Variants in SH3KBP1 observed in about 807,000 individuals in gnomAD.
SH3KBP1 encodes the protein SH3 domain containing kinase binding protein 1.
A neutral mutation model predicts 50.1 loss-of-function variants in SH3KBP1; 8 were observed. The observed-to-expected ratio is 0.16, with a 90% CI of 0.09 to 0.29. The LOEUF is 0.29. Among genes scored for constraint, SH3KBP1 ranks in the 10% least tolerant of loss-of-function variants. SH3KBP1 has a pLI of 1.00. For synonymous variants in SH3KBP1, 227 were observed against 218.6 expected (o/e 1.04, Z -0.34); for missense variants, 377 against 535.2 (o/e 0.70, Z 2.92).
At chrX:19,785,936 GGGGAGCTGGTGTGTCAT>G (rs1324772570) in intron 2 of SH3KBP1, among the ~76,000 whole-genome samples, 1 of 111,402 alleles carries the variant, frequency 9.0e-6, no homozygotes, top group African/African-American at 3.3e-5. Context: ...AAGGGGAAAT[GGGGAGCTGGTGTGTCAT>G]GGGTGCAGAG....
At chrX:19,588,407 G>C in intron 12 of SH3KBP1, 1 of 1,125,308 alleles carries the variant, frequency 8.9e-7, no homozygotes, top group Non-Finnish European at 1.2e-6. Context: ...TGGGTACCCA[G>C]TCCTCATGAA....
At chrX:19,742,539 A>G (rs1281116696) in intron 3 of SH3KBP1, among the ~76,000 whole-genome samples, 1 of 110,748 alleles carries the variant, frequency 9.0e-6, no homozygotes, top group African/African-American at 3.3e-5. Flanking sequence ...TTTTTCTTCT[A>G]AACTCAACAT....
At chrX:19,868,354 C>T (rs752820555) in intron 1 of SH3KBP1, among the ~76,000 whole-genome samples, 1 of 111,269 alleles carries the variant, frequency 9.0e-6, no homozygotes, top group African/African-American at 3.3e-5. Context: ...GAAATTGTCA[C>T]TCATGAGAAA....
intron 2 of SH3KBP1, among the ~76,000 whole-genome samples, chrX:19,809,339 C>T (rs749151587): frequency 1.1e-4 from 12 of 111,216 alleles, no homozygotes; most frequent in Non-Finnish European, 2.3e-4. Flanking sequence ...TCCTGGCCAA[C>T]ATGGTGAAAC....
intron 1 of SH3KBP1, among the ~76,000 whole-genome samples, chrX:19,837,943 C>A (rs1450446561): frequency 9.0e-6 from 1 of 111,105 alleles, no homozygotes; most frequent in African/African-American, 3.3e-5. Flanking sequence ...GTTCACAGAC[C>A]TAAGTGTAAG....
intron 1 of SH3KBP1, among the ~76,000 whole-genome samples, chrX:19,846,237 A>G (rs1460241991): frequency 9.1e-6 from 1 of 110,208 alleles, no homozygotes; most frequent in Non-Finnish European, 1.9e-5. Context: ...TTAAGTAGAG[A>G]TGGGGTTTCA....
At chrX:19,707,611 T>C (rs1158710011) in intron 3 of SH3KBP1, among the ~76,000 whole-genome samples, 1 of 111,214 alleles carries the variant, frequency 9.0e-6, no homozygotes, top group East Asian at 2.8e-4. Flanking sequence ...GATCCCCAGC[T>C]ACTTACGCAG....
At chrX:19,580,731 C>T (rs2066345648) in intron 12 of SH3KBP1, among the ~76,000 whole-genome samples, 1 of 111,308 alleles carries the variant, frequency 9.0e-6, no homozygotes, top group African/African-American at 3.3e-5. Flanking sequence ...AGTTGCTCCA[C>T]ACTTCCTCCT....
At chrX:19,561,143 A>G (rs952902306) in intron 13 of SH3KBP1, among the ~76,000 whole-genome samples, 13 of 109,599 alleles carry the variant, frequency 1.2e-4, no homozygotes, top group Non-Finnish European at 1.9e-4. Flanking sequence ...ATGTGAGACA[A>G]TAATATTCTA....
intron 6 of SH3KBP1, among the ~76,000 whole-genome samples, chrX:19,651,978 C>G (rs1251833315): frequency 5.4e-5 from 6 of 111,847 alleles, no homozygotes; most frequent in Non-Finnish European, 1.9e-5. Context: ...CTTATCCTTA[C>G]AAAATGAGAG....
chrX:19,667,596 T>G (rs2062629983), intron 6 of SH3KBP1, among the ~76,000 whole-genome samples: 1 of 111,302 alleles, frequency 9.0e-6, no homozygotes, highest in Non-Finnish European at 1.9e-5. Flanking sequence ...ACCACTGCAC[T>G]CCAGCCTGGG....
At chrX:19,712,955 C>T (rs1000231790) in intron 3 of SH3KBP1, among the ~76,000 whole-genome samples, 33 of 111,627 alleles carry the variant, frequency 3.0e-4, no homozygotes, top group Non-Finnish European at 2.1e-4. Flanking sequence ...CAGGCATGGT[C>T]GCTCAAGCCT....
chrX:19,661,071 A>C (rs1014969705), intron 6 of SH3KBP1, among the ~76,000 whole-genome samples: 2 of 113,091 alleles, frequency 1.8e-5, no homozygotes, highest in African/African-American at 6.4e-5. Flanking sequence ...ATTAGTAAGG[A>C]AGGGAGAACT....
intron 2 of SH3KBP1, among the ~76,000 whole-genome samples, chrX:19,787,116 C>A (rs1275552030): frequency 1.8e-5 from 2 of 111,763 alleles, no homozygotes; most frequent in African/African-American, 6.5e-5. Flanking sequence ...CTTTAAGGCA[C>A]AGCCCAAGCC....
At chrX:19,554,348 T>TAA (rs765688183) in intron 13 of SH3KBP1, among the ~76,000 whole-genome samples, 2,558 of 67,322 alleles carry the variant, frequency 0.038, 148 homozygotes, top group African/African-American at 0.21. Flanking sequence ...TATATCATAT[T>TAA]AATATATTAT....
intron 1 of SH3KBP1, among the ~76,000 whole-genome samples, chrX:19,877,531 A>G (rs1214860794): frequency 8.9e-6 from 1 of 111,825 alleles, no homozygotes; most frequent in Non-Finnish European, 1.9e-5. Context: ...CTAATTAAAG[A>G]CTTTTCACAT....
intron 2 of SH3KBP1, among the ~76,000 whole-genome samples, chrX:19,831,791 C>CAAAA (rs368754488): frequency 8.2e-5 from 3 of 36,387 alleles, no homozygotes; most frequent in African/African-American, 2.9e-4. Context: ...AACTCCATCC[C>CAAAA]AAAAAAAAAA....
intron 12 of SH3KBP1, among the ~76,000 whole-genome samples, chrX:19,579,374 T>C (rs770476698): frequency 1.8e-5 from 2 of 111,919 alleles, no homozygotes; most frequent in Admixed American, 9.4e-5. Context: ...CGCAAGGGGC[T>C]TTAAGGATGC....
intron 3 of SH3KBP1, among the ~76,000 whole-genome samples, chrX:19,727,049 A>G (rs1031025090): frequency 8.9e-6 from 1 of 112,488 alleles, no homozygotes. Context: ...GGTAACATAC[A>G]TGACAGATCA....
Sources: allele counts gnomAD v4.1 joint callset (sites outside exome capture counted in the v4.1 genomes callset), GRCh38; gene constraint gnomAD v4.1.1; transcripts MANE v1.5; gene names NCBI Gene and HGNC (gene_info 2026-07-23, HGNC 2026-07-21).